DNAJC6: variants seen among roughly 807,000 people sequenced by gnomAD.
The protein encoded by DNAJC6 is auxilin.
DNAJC6 carries 34 observed loss-of-function variants against 110.0 expected under a neutral mutation model. The ratio of observed to expected loss-of-function variants is 0.31; its 90% CI spans 0.24 to 0.41. The LOEUF (loss-of-function observed/expected upper bound fraction) is 0.41, where lower values mean the gene tolerates loss of function less well. Ranked by LOEUF, DNAJC6 falls within the 10% of genes least tolerant of loss-of-function variation. DNAJC6 has a pLI of 1.00. For missense variants in DNAJC6, 1,031 were observed against 1,207.8 expected (o/e 0.85, Z 2.17); for synonymous variants, 406 against 437.2 (o/e 0.93, Z 0.89).
In DNAJC6 at chr1:65,368,086, T is replaced by C. The variant is rs1645666954; in HGVS notation, c.543+1890T>C. Among the ~76,000 whole-genome samples, 3 of 152,218 alleles carry C rather than the reference T, an allele frequency of 2.0e-5. No homozygotes were observed. The South Asian group carries it at 6.2e-4, about 32-fold the overall frequency. ...AACACTATAGATATAAAATAAATAT[T>C]TGGTTTTTGTTCTCAAGACACCTAA... On this transcript the variant is annotated intron_variant, in intron 4 of 18. Transcript: ENST00000371069.
chr1:65,346,640 C>G (rs925046425), intron 1 of DNAJC6, among the ~76,000 whole-genome samples: 3 of 152,048 alleles, frequency 2.0e-5, no homozygotes, highest in Admixed American at 2.0e-4. Flanking sequence ...TCCTCATCTG[C>G]TTAGGGGAGA....
In DNAJC6 at chr1:65,268,617, C is replaced by CT. The variant is rs1049129674; in HGVS notation, c.-131+3692dup. On this transcript the variant is annotated intron_variant, in intron 1 of 19. Transcript: ENST00000263441. ...GCAGAGCCATGATTCAAAATCAGGT[C>CT]TTTTTTTATCTCCAAAACCATTCAC... is the stretch of plus-strand genomic sequence containing the variant. Among the ~76,000 whole-genome samples the CT allele has an allele frequency of 5.3e-5, 8 of 152,210 alleles. No individual in the cohort carries two copies. In the East Asian group the frequency reaches 5.8e-4, roughly 11 times the overall value.
At chr1:65,301,652 C>G (rs1179713638) in intron 1 of DNAJC6, among the ~76,000 whole-genome samples, 1 of 152,156 alleles carries the variant, frequency 6.6e-6, no homozygotes, top group East Asian at 1.9e-4. Context: ...GCCAAGCTGC[C>G]ATGCCCTCTC....
intron 1 of DNAJC6, among the ~76,000 whole-genome samples, chr1:65,280,120 C>CACAT (rs545872678): frequency 5.3e-5 from 8 of 152,128 alleles, no homozygotes; most frequent in Non-Finnish European, 8.8e-5. Flanking sequence ...TAATATCTAA[C>CACAT]ACATAGTAGG....
upstream of DNAJC6, among the ~76,000 whole-genome samples, chr1:65,306,020 C>T (rs1645033741): frequency 6.6e-6 from 1 of 151,738 alleles, no homozygotes. Context: ...AGTAACTTGC[C>T]CAAAGTCATA....
intron 13 of DNAJC6, 58 bp downstream of exon 13, chr1:65,395,090 A>C: frequency 6.7e-7 from 1 of 1,496,428 alleles, no homozygotes. Flanking sequence ...AGATATCAGT[A>C]AGTGCTCATA....
intron 15 of DNAJC6, among the ~76,000 whole-genome samples, chr1:65,403,013 G>C (rs1002619051): frequency 6.6e-6 from 1 of 151,838 alleles, no homozygotes; most frequent in African/African-American, 2.4e-5. Context: ...CTAGGTGCTA[G>C]GACTGTTTTA....
At chr1:65,330,267 A>G (rs1376149101) in intron 1 of DNAJC6, among the ~76,000 whole-genome samples, 1 of 152,178 alleles carries the variant, frequency 6.6e-6, no homozygotes, top group African/African-American at 2.4e-5. Context: ...ATGGAGTTCA[A>G]CAGAGGATGT....
At chr1:65,327,176 C>T (rs1259876691) in intron 1 of DNAJC6, among the ~76,000 whole-genome samples, 1 of 152,022 alleles carries the variant, frequency 6.6e-6, no homozygotes, top group African/African-American at 2.4e-5. Context: ...GGAGGACATT[C>T]CAAACTAGAA....
intron 1 of DNAJC6, chr1:65,279,194 A>G (rs868231310): frequency 6.1e-6 from 6 of 983,710 alleles, no homozygotes; most frequent in South Asian, 4.7e-5. Flanking sequence ...TAACATTTCT[A>G]CAACTTTGGG....
At chr1:65,304,265 C>T (rs1002488648) in intron 1 of DNAJC6, among the ~76,000 whole-genome samples, 1 of 151,734 alleles carries the variant, frequency 6.6e-6, no homozygotes, top group Non-Finnish European at 1.5e-5. Context: ...CATCAAACAC[C>T]AAGAACAGAT....
At chr1:65,390,440 G>A (rs1376263876) in intron 11 of DNAJC6, among the ~76,000 whole-genome samples, 1 of 152,146 alleles carries the variant, frequency 6.6e-6, no homozygotes, top group Non-Finnish European at 1.5e-5. Context: ...TCGATTACTA[G>A]GTTCTTTTCT....
chr1:65,409,572 C>CT lies in DNAJC6; in HGVS notation c.2634+795dup, dbSNP rs112720813. 5.3e-5 allele frequency among the ~76,000 whole-genome samples: 8 copies of CT among 152,206 alleles called. 1 individual carries two copies. Among genetic ancestry groups the CT allele is most frequent in the African/African-American group, 1.9e-4 (8 of 41,516 alleles). ...ATGTTTTCTCTTTCTGCTTTGAGAG[C>CT]TTTTTTATTAAACCAGATTGACTGA... On this transcript the variant is annotated intron_variant, in intron 17 of 18. Coordinates refer to ENST00000371069, the MANE Select transcript of DNAJC6 (RefSeq NM_001256864.2).
chr1:65,389,522 G>A (rs1167847314), intron 10 of DNAJC6, 25 bp from the exon 11 acceptor site: 2 of 1,613,928 alleles, frequency 1.2e-6, no homozygotes, highest in East Asian at 4.5e-5. Flanking sequence ...TCTCATTGAT[G>A]CTACATGGTC....
intron 1 of DNAJC6, among the ~76,000 whole-genome samples, chr1:65,328,358 T>C (rs917062268): frequency 1.3e-5 from 2 of 152,236 alleles, no homozygotes; most frequent in African/African-American, 2.4e-5. Flanking sequence ...GAAATAATTA[T>C]AGATTCACAT....
At chr1:65,340,980 C>T (rs1248706476) in intron 1 of DNAJC6, among the ~76,000 whole-genome samples, 3 of 152,176 alleles carry the variant, frequency 2.0e-5, no homozygotes, top group South Asian at 2.1e-4. Context: ...CCTAGGCTGA[C>T]ATTTAACCTT....
chr1:65,372,661 C>T (rs1283549133), intron 4 of DNAJC6, among the ~76,000 whole-genome samples: 1 of 151,612 alleles, frequency 6.6e-6, no homozygotes, highest in Non-Finnish European at 1.5e-5. Context: ...TAGTAAATTG[C>T]CTAAGGTTAA....
rs1167217090 is a variant in DNAJC6 at position 65,413,474 on chromosome 1, G to A, written c.*449G>A. 1 of 153,566 alleles carries A rather than the reference G, an allele frequency of 6.5e-6. No homozygotes were observed. Among genetic ancestry groups the A allele is most frequent in the Non-Finnish European group, 1.4e-5 (1 of 69,102 alleles). The allele number at this position is 153,566 out of a possible 1,614,324, so 9.5% of individuals were successfully genotyped here. ...GATATAATTTGAGCAGTGGCTTTAT[G>A]CAGACTCCAAGAACAAAACCACCAG... On this transcript the variant is annotated 3_prime_UTR_variant, in exon 19 of 19. Coordinates refer to ENST00000371069, the MANE Select transcript of DNAJC6 (RefSeq NM_001256864.2).
At chr1:65,346,839 C>T (rs61781380) in intron 1 of DNAJC6, among the ~76,000 whole-genome samples, 8 of 152,122 alleles carry the variant, frequency 5.3e-5, no homozygotes, top group Non-Finnish European at 1.0e-4. Context: ...CCATTTCCAT[C>T]CAAACTGCAA....
Sources: allele counts gnomAD v4.1 joint callset (sites outside exome capture counted in the v4.1 genomes callset), GRCh38; gene constraint gnomAD v4.1.1; transcripts MANE v1.5; gene names NCBI Gene and HGNC (gene_info 2026-07-23, HGNC 2026-07-21).